Variants in MRS2 observed in about 807,000 individuals in gnomAD.
MRS2 encodes magnesium transporter MRS2 homolog, mitochondrial.
Under a neutral mutation model 52.6 loss-of-function variants are expected in MRS2, and 40 were observed. That is an observed-to-expected ratio of 0.76 (90% CI 0.59 to 0.99). The LOEUF (loss-of-function observed/expected upper bound fraction) is 0.99. Ranked by LOEUF, MRS2 falls within the 50% of genes least tolerant of loss-of-function variation. The pLI is 0.00. For missense variants in MRS2, 472 were observed against 532.7 expected, an observed-to-expected ratio of 0.89 and a Z score of 1.12; for synonymous variants, 193 against 195.9, an observed-to-expected ratio of 0.98 and a Z score of 0.13.
intron 7 of MRS2, among the ~76,000 whole-genome samples, chr6:24,416,753 A>G (rs746417189): frequency 6.6e-6 from 1 of 152,200 alleles, no homozygotes; most frequent in African/African-American, 2.4e-5. Flanking sequence ...ACACACAGTT[A>G]CCTTTATATT....
chr6:24,417,670 G>A (rs375848259), intron 7 of MRS2, among the ~76,000 whole-genome samples: 4 of 152,176 alleles, frequency 2.6e-5, no homozygotes, highest in Admixed American at 6.5e-5. Flanking sequence ...GCAGCCAGGC[G>A]CTGTGGCTCA....
chr6:24,420,482 CG>C (rs1762008201), intron 9 of MRS2, among the ~76,000 whole-genome samples: 1 of 152,308 alleles, frequency 6.6e-6, no homozygotes, highest in South Asian at 2.1e-4. Flanking sequence ...CTCACAAATA[CG>C]TTTTTTTATT....
At chr6:24,407,030 A>G (rs1454567877) in intron 2 of MRS2, among the ~76,000 whole-genome samples, 5 of 152,210 alleles carry the variant, frequency 3.3e-5, no homozygotes, top group African/African-American at 1.2e-4. Flanking sequence ...TTGAGATGCA[A>G]AAATATTCAG....
At chr6:24,413,370 G>A (rs549609092) in intron 5 of MRS2, among the ~76,000 whole-genome samples, 8 of 152,132 alleles carry the variant, frequency 5.3e-5, no homozygotes, top group Non-Finnish European at 1.0e-4. Context: ...TTTAAATGGG[G>A]TCCCAGGAAG....
intron 9 of MRS2, 142 bp from the exon 10 acceptor site, chr6:24,422,795 C>CCCTT: frequency 2.0e-6 from 1 of 508,510 alleles, no homozygotes; most frequent in Non-Finnish European, 3.5e-6. Context: ...GCTATCAAGG[C>CCCTT]CCTTGTTTTT....
intron 2 of MRS2, among the ~76,000 whole-genome samples, chr6:24,405,708 C>T (rs1309919148): frequency 6.9e-6 from 1 of 145,518 alleles, no homozygotes; most frequent in African/African-American, 2.6e-5. Flanking sequence ...AAAATGTTAA[C>T]AAAGGTGACT....
chr6:24,405,339 T>TTA, intron 2 of MRS2, 98 bp downstream of exon 2: 1 of 865,626 alleles, frequency 1.2e-6, no homozygotes, highest in Non-Finnish European at 1.9e-6. Context: ...TATTTTGAGC[T>TTA]TTATAATCAT....
At position 24,412,335 on chromosome 6, in the gene MRS2, A is replaced by C. The variant is rs753293793; in HGVS notation, c.528A>C (p.Gln176His). ...ELPSQLSGEG[Q>H]LVTYPLPFEF... ...CTTCACAGTTGTCTGGAGAGGGTCA[A>C]CTCGTTACATACCCTTTACCTTTTG... Residue 176 changes from glutamine (Q) to histidine (H), a missense_variant, in exon 5 of 11, where the codon CAA becomes CAC. Gln to His is a conservative substitution (Grantham distance 24, BLOSUM62 0). Coordinates refer to ENST00000378386, the MANE Select transcript of MRS2 (RefSeq NM_020662.4). 1 of 1,598,628 alleles carries C rather than the reference A, an allele frequency of 6.3e-7. No individual in the cohort carries two copies. The highest frequency in any genetic ancestry group is 8.5e-7 in the Non-Finnish European group (1 of 1,172,936).
At chr6:24,411,856 T>G in intron 4 of MRS2, among the ~76,000 whole-genome samples, 1 of 150,496 alleles carries the variant, frequency 6.6e-6, no homozygotes, top group Non-Finnish European at 1.5e-5. Context: ...TATTTTTTGG[T>G]GTTTTTTTTT....
At position 24,425,983 on chromosome 6, in the gene MRS2, G is replaced by A. The variant is rs1375070117; in HGVS notation, c.*2289G>A. ...GAGGTGAGCTAATGGATGGTACATG[G>A]AGTAGGGACTGCAGAGACCCTAGTT... On this transcript the variant is annotated 3_prime_UTR_variant, in exon 11 of 11. Transcript: ENST00000378386. 2 of 152,170 alleles carry A rather than the reference G, an allele frequency of 1.3e-5. No individual in the cohort carries two copies. Among genetic ancestry groups the A allele is most frequent in the African/African-American group, 2.4e-5 (1 of 41,436 alleles). 9.4% of individuals were successfully genotyped at this position (152,170 alleles called of 1,614,324 possible).
intron 7 of MRS2, 131 bp from the exon 8 acceptor site, chr6:24,417,953 A>AAC: frequency 2.4e-6 from 1 of 412,026 alleles, no homozygotes; most frequent in Non-Finnish European, 3.6e-6. Flanking sequence ...AAAAAAAAAA[A>AAC]GACAAGACAA....
chr6:24,417,890 C>T (rs1215440184), intron 7 of MRS2, among the ~76,000 whole-genome samples, 194 bp from the exon 8 acceptor site: 2 of 150,896 alleles, frequency 1.3e-5, no homozygotes, highest in East Asian at 1.9e-4. Context: ...TGCAGTGAGC[C>T]GAGATCGCGC....
intron 9 of MRS2, among the ~76,000 whole-genome samples, chr6:24,422,330 C>A (rs560323816): frequency 3.5e-4 from 53 of 152,192 alleles, no homozygotes; most frequent in African/African-American, 1.2e-3. Context: ...AATTTAAATT[C>A]TGTGATTCTG....
chr6:24,415,495 G>A (rs1761818980), intron 6 of MRS2, among the ~76,000 whole-genome samples: 1 of 152,094 alleles, frequency 6.6e-6, no homozygotes, highest in South Asian at 2.1e-4. Flanking sequence ...AGTCCATGTT[G>A]TTCTTTTTCT....
intron 9 of MRS2, among the ~76,000 whole-genome samples, chr6:24,421,813 T>C (rs1342988153): frequency 3.3e-5 from 5 of 152,214 alleles, no homozygotes; most frequent in Non-Finnish European, 5.9e-5. Flanking sequence ...TTGCCACTTA[T>C]CTCAGTAGTG....
chr6:24,423,451 C>A, intron 10 of MRS2, 133 bp from the exon 11 acceptor site: 1 of 500,286 alleles, frequency 2.0e-6, no homozygotes. Context: ...AAGATGGCAC[C>A]ACTGGAATAA....
At chr6:24,415,467 A>G (rs1270385746) in intron 6 of MRS2, among the ~76,000 whole-genome samples, 1 of 152,226 alleles carries the variant, frequency 6.6e-6, no homozygotes, top group African/African-American at 2.4e-5. Flanking sequence ...TAAATGGCAG[A>G]TCTAAATCCA....
In MRS2 at chr6:24,424,873, T is replaced by C. The variant is rs1368167491; in HGVS notation, c.*1179T>C. Reference sequence around the variant, plus strand: ...GGAGTCCATTTTTCAGGTGGTTTGGTGATAGGAATAAAAATGTTACTCCCG... The same window carrying C: ...GGAGTCCATTTTTCAGGTGGTTTGGCGATAGGAATAAAAATGTTACTCCCG... On this transcript the variant is annotated 3_prime_UTR_variant, in exon 11 of 11. Coordinates refer to ENST00000378386, the MANE Select transcript of MRS2 (RefSeq NM_020662.4). 6.6e-6 allele frequency: 1 copy of C among 152,144 alleles called. No homozygotes were observed. The highest frequency in any genetic ancestry group is 1.5e-5 in the Non-Finnish European group (1 of 68,014). The allele number at this position is 152,144 out of a possible 1,614,324, so 9.4% of individuals were successfully genotyped here.
chr6:24,405,331 T>C (rs2127280469), intron 2 of MRS2, 90 bp downstream of exon 2: 2 of 936,910 alleles, frequency 2.1e-6, no homozygotes, highest in East Asian at 2.5e-5. Flanking sequence ...ATACTACTTA[T>C]TTTGAGCTTT....
Sources: allele counts gnomAD v4.1 joint callset (sites outside exome capture counted in the v4.1 genomes callset), GRCh38; gene constraint gnomAD v4.1.1; transcripts MANE v1.5; gene names NCBI Gene and HGNC (gene_info 2026-07-23, HGNC 2026-07-21).